Variants in SF1 observed in about 807,000 individuals in gnomAD.
SF1 encodes the protein branch point-binding protein.
SF1 carries 7 observed loss-of-function variants against 62.5 expected under a neutral mutation model. That is an observed-to-expected ratio of 0.11 (90% confidence interval 0.06 to 0.21). The LOEUF (loss-of-function observed/expected upper bound fraction) is 0.21, where lower values mean the gene tolerates loss of function less well. SF1 is among the 10% of genes least tolerant of loss of function. SF1 has a pLI of 1.00. For synonymous variants in SF1, 394 were observed against 323.6 expected (o/e 1.22, Z -2.33); for missense variants, 578 against 884.0 (o/e 0.65, Z 4.39).
intron 3 of SF1, chr11:64,773,027 G>C: frequency 9.9e-7 from 1 of 1,012,398 alleles, no homozygotes; most frequent in Non-Finnish European, 1.2e-6. Flanking sequence ...CAAGTTCAGT[G>C]ATGCTCAAAA....
In SF1 at chr11:64,769,546, C is replaced by T. The variant is rs1937951421; in HGVS notation, c.543G>A (p.Gly181=). The T allele has an allele frequency of 1.9e-6, 3 of 1,614,056 alleles. No individual in the cohort carries two copies. The South Asian group carries it at 3.3e-5, about 18-fold the overall frequency. ...CNAKIMIRGK[G]SVKEGKVGRK... ...GCCCAACCTTCCCTTCTTTCACAGA[C>T]CCTTTCCCCCGGATCATAATCTTGG... is the stretch of plus-strand genomic sequence containing the variant. The change falls in exon 6 of 13, where the codon GGG becomes GGA. Residue 181 remains glycine, a synonymous_variant. Coordinates refer to ENST00000377390, the MANE Select transcript of SF1 (RefSeq NM_004630.4).
chr11:64,767,132 G>A, intron 11 of SF1, 53 bp from the exon 12 acceptor site: 5 of 1,612,720 alleles, frequency 3.1e-6, no homozygotes, highest in Non-Finnish European at 4.2e-6. Context: ...GGGGACTTGG[G>A]CCAGAACCCC....
intron 2 of SF1, among the ~76,000 whole-genome samples, chr11:64,775,883 G>C (rs1224621157): frequency 6.6e-6 from 1 of 152,068 alleles, no homozygotes; most frequent in Non-Finnish European, 1.5e-5. Context: ...TCCCAGCAGA[G>C]TTCTTTAAAA....
chr11:64,777,787 C>G, intron 1 of SF1: 1 of 965,040 alleles, frequency 1.0e-6, no homozygotes. Flanking sequence ...CCCGCCCGCC[C>G]AGCCCTCCCC....
intron 2 of SF1, 66 bp from the exon 3 acceptor site, chr11:64,773,571 C>A: frequency 1.3e-6 from 2 of 1,525,176 alleles, no homozygotes; most frequent in Non-Finnish European, 1.8e-6. Flanking sequence ...CAATAAACAT[C>A]TCAAATCTCA....
rs1938109499 is a variant in SF1, at chr11:64,770,306, G to T, written c.339C>A (p.Ile113=). The T allele has an allele frequency of 1.2e-6, 2 of 1,614,054 alleles. No homozygotes were observed. The highest frequency in any genetic ancestry group is 1.7e-6 in the Non-Finnish European group (2 of 1,180,008). ...KKLEEERHNL[I]TEMVALNPDF... Reference sequence around the variant, plus strand: ...CCGGATTGAGTGCAACCATCTCTGTGATGAGGTTGTGCCGCTCCTCTTCCA... The same window carrying T: ...CCGGATTGAGTGCAACCATCTCTGTTATGAGGTTGTGCCGCTCCTCTTCCA... Residue 113 remains isoleucine (I), a synonymous_variant, in exon 4 of 13, where the codon ATC becomes ATA. Transcript: ENST00000377390.
intron 1 of SF1, chr11:64,777,893 T>G: frequency 2.1e-6 from 2 of 935,026 alleles, no homozygotes; most frequent in South Asian, 9.7e-5. Flanking sequence ...CGCGCGCCCC[T>G]GCCGCGTGCA....
At chr11:64,776,285 C>A in intron 2 of SF1, 1 of 515,432 alleles carries the variant, frequency 1.9e-6, no homozygotes. Context: ...CTTCCTGATA[C>A]TCATGGAGAA....
chr11:64,771,463 C>T, intron 3 of SF1: 1 of 985,376 alleles, frequency 1.0e-6, no homozygotes, highest in Non-Finnish European at 1.2e-6. Context: ...GACTCCTATA[C>T]CCTTGGTTTA....
rs540839863 is a variant in SF1 at position 64,774,272 on chromosome 11, G to C, written c.161-767C>G. Among the ~76,000 whole-genome samples the C allele has an allele frequency of 3.3e-5, 5 of 152,326 alleles. No homozygotes were observed. In the South Asian group the frequency reaches 1.0e-3, roughly 32 times the overall value. ...TGGGGAGCAGGCGTGTAGAAGAATG[G>C]AATGTGTGTTCAAGGACAATGTACT... On this transcript the variant is annotated intron_variant, in intron 2 of 12. Transcript: ENST00000377390.
intron 1 of SF1, among the ~76,000 whole-genome samples, chr11:64,777,193 T>A (rs930018077): frequency 6.6e-6 from 1 of 152,200 alleles, no homozygotes; most frequent in African/African-American, 2.4e-5. Flanking sequence ...CCTGGCCAGT[T>A]GGACACTGAG....
chr11:64,777,622 C>G, intron 1 of SF1: 7 of 985,536 alleles, frequency 7.1e-6, no homozygotes, highest in Non-Finnish European at 8.4e-6. Context: ...GCTTTCACGC[C>G]CTGCTGGCAT....
intron 4 of SF1, 42 bp from the exon 5 acceptor site, chr11:64,770,095 T>C (rs1938066934): frequency 1.3e-6 from 2 of 1,587,384 alleles, no homozygotes; most frequent in Non-Finnish European, 1.7e-6. Flanking sequence ...TTCTGGAGAA[T>C]GACACAGCCA....
intron 2 of SF1, among the ~76,000 whole-genome samples, chr11:64,774,732 G>A (rs1211910169): frequency 6.6e-6 from 1 of 152,142 alleles, no homozygotes; most frequent in Non-Finnish European, 1.5e-5. Flanking sequence ...GGCCAAGGCA[G>A]GCAGATCATG....
At chr11:64,769,793 A>C in intron 5 of SF1, 171 bp downstream of exon 5, 1 of 721,918 alleles carries the variant, frequency 1.4e-6, no homozygotes, top group East Asian at 2.6e-5. Flanking sequence ...ACTTCTCCGC[A>C]CTAGTGGGGA....
At chr11:64,772,158 G>A (rs899800565) in intron 3 of SF1, 63 of 985,124 alleles carry the variant, frequency 6.4e-5, no homozygotes, top group Middle Eastern at 1.0e-3. Flanking sequence ...AACAGGCATC[G>A]GCTAGATCAA....
chr11:64,771,938 GGTTTT>G, intron 3 of SF1: 2 of 985,360 alleles, frequency 2.0e-6, no homozygotes, highest in Non-Finnish European at 2.4e-6. Context: ...ACCCTGCTCT[GGTTTT>G]ATTTCTAACA....
In SF1 at chr11:64,765,173, G is replaced by A; in HGVS notation, c.*645C>T. The A allele has an allele frequency of 5.6e-6, 2 of 355,454 alleles. No homozygotes were observed. The highest frequency in any genetic ancestry group is 5.6e-5 in the South Asian group (1 of 17,982). 22.0% of individuals were successfully genotyped at this position (355,454 alleles called of 1,614,324 possible). A position where few individuals can be genotyped will look rare whatever the true frequency, so the allele number is the denominator to read the frequency against. ...CTTGACATGAATGGCCAAAGCCCTTGCCCAAAACCATTTGCTCCCCTCTCC... is the reference window on the plus strand; with the variant it reads ...CTTGACATGAATGGCCAAAGCCCTTACCCAAAACCATTTGCTCCCCTCTCC... On this transcript the variant is annotated 3_prime_UTR_variant, in exon 13 of 13. Transcript: ENST00000377390.
rs532858132 is a variant in SF1 at position 64,769,661 on chromosome 11, G to A, written c.480-52C>T. 82 of 1,526,368 alleles carry A rather than the reference G, an allele frequency of 5.4e-5. 1 individual carries two copies. In the South Asian group the frequency reaches 7.7e-4, roughly 14 times the overall value. 94.6% of individuals were successfully genotyped at this position (1,526,368 alleles called of 1,614,324 possible). On this transcript the variant is annotated intron_variant, in intron 5 of 12. Coordinates refer to ENST00000377390, the MANE Select transcript of SF1 (RefSeq NM_004630.4). ...ATACCTGACAAATTCACACTCAAGA[G>A]GGAAGAGAGGCTGGACCAATTTGGC...
Sources: allele counts gnomAD v4.1 joint callset (sites outside exome capture counted in the v4.1 genomes callset), GRCh38; gene constraint gnomAD v4.1.1; transcripts MANE v1.5; gene names NCBI Gene and HGNC (gene_info 2026-07-23, HGNC 2026-07-21).